The following ERI1 variants were observed in gnomAD, a reference collection of about 807,000 sequenced individuals.
The protein encoded by ERI1 is 3'-5' exoribonuclease 1.
A neutral mutation model predicts 39.7 loss-of-function variants in ERI1; 39 were observed. The observed-to-expected ratio is 0.98, with a 90% CI of 0.76 to 1.28. ERI1 has a LOEUF of 1.28. Ranked by LOEUF, ERI1 falls within the 50% of genes most tolerant of loss-of-function variation. The probability of loss-of-function intolerance (pLI) is 0.00; values close to 1 mark genes in which losing one functional copy is unlikely to be tolerated. For synonymous variants in ERI1, 204 were observed against 149.6 expected, an observed-to-expected ratio of 1.36 and a Z score of -2.65; for missense variants, 581 against 416.9, an observed-to-expected ratio of 1.39 and a Z score of -3.43.
rs377629544 is a variant in ERI1 at position 9,011,719 on chromosome 8, G to C, written c.465G>C (p.Pro155=). 4.3e-6 allele frequency: 7 copies of C among 1,610,710 alleles called. No homozygotes were observed. The highest frequency in any genetic ancestry group is 4.0e-5 in the African/African-American group (3 of 74,718). The change falls in exon 3 of 7, where the codon CCG becomes CCC. Residue 155 remains proline, a synonymous_variant. Coordinates refer to ENST00000250263, the MANE Select transcript of ERI1 (RefSeq NM_153332.4). ...PEFVHEIIEF[P]VVLLNTHTLE... ...TTGTACATGAAATAATTGAATTTCC[G>C]GTTGTTTTACTGAATACGCATACTT...
chr8:9,015,146 C>G (rs1196935851), intron 3 of ERI1, among the ~76,000 whole-genome samples: 2 of 152,092 alleles, frequency 1.3e-5, no homozygotes, highest in African/African-American at 4.8e-5. Flanking sequence ...CTCAGGTGTT[C>G]TTTTTTGTTC....
intron 3 of ERI1, chr8:9,049,787 T>C (rs983712321): frequency 1.3e-5 from 2 of 152,064 alleles, no homozygotes; most frequent in African/African-American, 2.4e-5. Context: ...AAAGGCCGGA[T>C]GGGATTTCTG....
chr8:9,064,330 G>A (rs749036624), intron 3 of ERI1, among the ~76,000 whole-genome samples: 8 of 152,032 alleles, frequency 5.3e-5, no homozygotes, highest in East Asian at 3.9e-4. Flanking sequence ...CCAGAAAAGC[G>A]GTACTTGCCG....
Position 9,018,310 on chromosome 8 carries a change from G to A in ERI1, c.596G>A (p.Arg199Lys). 1 of 1,609,376 alleles carries A rather than the reference G, an allele frequency of 6.2e-7. No individual in the cohort carries two copies. The highest frequency in any genetic ancestry group is 1.3e-5 in the African/African-American group (1 of 74,856). ...LTGITQDQVDRADTFPQVLKK... is the reference protein window; with the variant it reads ...LTGITQDQVDKADTFPQVLKK... ...TTATATCCTCAGGATCAGGTAGACA[G>A]AGCTGATACCTTCCCTCAGGTACTA... Residue 199 changes from arginine (R) to lysine (K), a missense_variant, in exon 5 of 7, where the codon AGA becomes AAA. Physicochemically the swap from Arg to Lys is conservative, Grantham distance 26. Transcript: ENST00000250263.
intron 3 of ERI1, among the ~76,000 whole-genome samples, chr8:9,043,207 TTG>T (rs1409936480): frequency 9.2e-5 from 14 of 152,324 alleles, no homozygotes; most frequent in African/African-American, 3.4e-4. Flanking sequence ...TTCAAAACAC[TTG>T]TGTCTTCTTG....
chr8:9,041,776 C>A (rs1342595882), intron 3 of ERI1, among the ~76,000 whole-genome samples: 1 of 152,210 alleles, frequency 6.6e-6, no homozygotes, highest in Non-Finnish European at 1.5e-5. Flanking sequence ...CTGTTGTCGC[C>A]TAGGCTGAAG....
chr8:9,065,110 T>C (rs1455229173), intron 3 of ERI1, among the ~76,000 whole-genome samples: 1 of 152,004 alleles, frequency 6.6e-6, no homozygotes, highest in African/African-American at 2.4e-5. Flanking sequence ...GGAATGTCAT[T>C]AGTTAAGGCA....
intron 3 of ERI1, among the ~76,000 whole-genome samples, chr8:9,069,894 G>A (rs555561293): frequency 6.6e-6 from 1 of 152,322 alleles, no homozygotes; most frequent in African/African-American, 2.4e-5. Flanking sequence ...GCAGGTTTTA[G>A]AAAGTCGCTC....
downstream of ERI1, among the ~76,000 whole-genome samples, chr8:9,036,977 C>G (rs1208821796): frequency 6.6e-6 from 1 of 152,146 alleles, no homozygotes; most frequent in African/African-American, 2.4e-5. Flanking sequence ...GCACAATGTC[C>G]TTTATTGTCC....
chr8:9,078,716 C>T (rs141628221), intron 3 of ERI1, among the ~76,000 whole-genome samples: 1 of 152,192 alleles, frequency 6.6e-6, no homozygotes, highest in African/African-American at 2.4e-5. Flanking sequence ...GAATCAGTGA[C>T]TCCAGGGTGG....
rs528089986 is a variant in ERI1, at chr8:9,032,720, A to G, written c.*2686A>G. 1 of 152,342 alleles carries G rather than the reference A, an allele frequency of 6.6e-6. No individual in the cohort carries two copies. Among genetic ancestry groups the G allele is most frequent in the Admixed American group, 6.5e-5 (1 of 15,302 alleles). 9.4% of individuals were successfully genotyped at this position (152,342 alleles called of 1,614,324 possible). A position where few individuals can be genotyped will look rare whatever the true frequency, so the allele number is the denominator to read the frequency against. On this transcript the variant is annotated 3_prime_UTR_variant, in exon 7 of 7. Transcript: ENST00000250263. ...AGTATTATCCCCAAAATGATAATGC[A>G]AAACAGAATAATTTGGAGACCAGGA...
At chr8:9,006,832 G>T (rs566303031) in intron 1 of ERI1, among the ~76,000 whole-genome samples, 1 of 152,264 alleles carries the variant, frequency 6.6e-6, no homozygotes, top group Non-Finnish European at 1.5e-5. Context: ...TACATTTCCA[G>T]TAAATGTGTG....
chr8:9,026,000 G>T (rs1367844568), intron 6 of ERI1, among the ~76,000 whole-genome samples: 1 of 152,078 alleles, frequency 6.6e-6, no homozygotes, highest in Admixed American at 6.6e-5. Flanking sequence ...CACTGTCTCA[G>T]CCACTGATAT....
At chr8:9,089,090 C>G (rs116859327) in intron 3 of ERI1, among the ~76,000 whole-genome samples, 258 of 152,276 alleles carry the variant, frequency 1.7e-3, no homozygotes, top group Non-Finnish European at 2.8e-3. Flanking sequence ...ATCACTAAGG[C>G]TCGGTTTCCT....
chr8:9,026,665 T>C (rs1171732437), intron 6 of ERI1, among the ~76,000 whole-genome samples: 2 of 152,190 alleles, frequency 1.3e-5, no homozygotes, highest in Non-Finnish European at 2.9e-5. Flanking sequence ...TCTGAAACTT[T>C]CTGGGCACTG....
intron 3 of ERI1, among the ~76,000 whole-genome samples, chr8:9,075,295 A>G (rs916464658): frequency 3.9e-5 from 6 of 152,184 alleles, no homozygotes; most frequent in African/African-American, 1.4e-4. Context: ...GTCTCTCCTT[A>G]GTTTTCCTTG....
intron 3 of ERI1, among the ~76,000 whole-genome samples, chr8:9,045,341 AC>A (rs1438644033): frequency 6.6e-6 from 1 of 151,602 alleles, no homozygotes; most frequent in African/African-American, 2.4e-5. Flanking sequence ...TAGGGTAGGG[AC>A]TTCCCCATCC....
intron 3 of ERI1, among the ~76,000 whole-genome samples, chr8:9,051,878 C>T (rs76679278): frequency 2.6e-5 from 4 of 152,314 alleles, no homozygotes; most frequent in South Asian, 4.1e-4. Context: ...ATTGCTTAAA[C>T]TTCAGACTGT....
At chr8:9,006,156 T>C (rs1471034335) in intron 1 of ERI1, among the ~76,000 whole-genome samples, 2 of 152,256 alleles carry the variant, frequency 1.3e-5, no homozygotes, top group Non-Finnish European at 2.9e-5. Context: ...ATTTTCTTTC[T>C]GCTCCTTGGC....
Sources: gnomAD v4.1 joint callset for allele counts (sites outside exome capture counted in the v4.1 genomes callset) on GRCh38, gnomAD v4.1.1 for gene constraint, MANE v1.5 for transcripts, NCBI Gene and HGNC (gene_info 2026-07-23, HGNC 2026-07-21) for gene names.